LEF1: variants seen among roughly 807,000 people sequenced by gnomAD.
The protein encoded by LEF1 is lymphoid enhancer binding factor 1, also known as lymphoid enhancer-binding factor 1.
In LEF1, 14 loss-of-function variants were observed where a neutral mutation model predicts 51.2. That is an observed-to-expected ratio of 0.27 (90% CI 0.18 to 0.43). The LOEUF (loss-of-function observed/expected upper bound fraction) is 0.43. Ranked by LOEUF, LEF1 falls within the 20% of genes least tolerant of loss-of-function variation. LEF1 has a pLI of 1.00. For synonymous variants in LEF1, 185 were observed against 183.2 expected (o/e 1.01, Z -0.08); for missense variants, 386 against 512.0 (o/e 0.75, Z 2.37).
At chr4:108,072,549 G>A (rs1007248008) in intron 8 of LEF1, among the ~76,000 whole-genome samples, 2 of 152,192 alleles carry the variant, frequency 1.3e-5, no homozygotes, top group Admixed American at 1.3e-4. Context: ...AGTGCAGAGC[G>A]TGAGGTTAAA....
intron 11 of LEF1, among the ~76,000 whole-genome samples, chr4:108,057,009 C>T (rs1284057982): frequency 2.0e-5 from 3 of 152,050 alleles, no homozygotes; most frequent in Admixed American, 1.3e-4. Context: ...AGGGTAGCTG[C>T]GCAGCCACGT....
intron 3 of LEF1, among the ~76,000 whole-genome samples, chr4:108,127,533 A>G (rs1578375081): frequency 6.6e-6 from 1 of 152,304 alleles, no homozygotes; most frequent in African/African-American, 2.4e-5. Flanking sequence ...TCGTGTTGAC[A>G]TAAATGTTAT....
intron 3 of LEF1, among the ~76,000 whole-genome samples, chr4:108,146,751 G>A (rs996970398): frequency 6.6e-6 from 1 of 152,122 alleles, no homozygotes; most frequent in Non-Finnish European, 1.5e-5. Context: ...TGATCTTCAT[G>A]TTAGTGTTCA....
intron 8 of LEF1, among the ~76,000 whole-genome samples, chr4:108,071,405 TG>T (rs1249384532): frequency 2.0e-5 from 3 of 152,218 alleles, no homozygotes; most frequent in African/African-American, 7.2e-5. Flanking sequence ...CAAGCATTTA[TG>T]GCTATGGCTT....
At chr4:108,126,446 T>G (rs1464318826) in intron 3 of LEF1, among the ~76,000 whole-genome samples, 2 of 152,198 alleles carry the variant, frequency 1.3e-5, no homozygotes, top group African/African-American at 4.8e-5. Flanking sequence ...GGATAAATTA[T>G]AACTTAATAG....
chr4:108,062,626 G>A lies in LEF1; in HGVS notation c.*6+997C>T, dbSNP rs140099524. ...GGTCGGGAAGTGATGCACAATCTGA[G>A]TTGTAGGAAATCCCTCCAGGAGCAA... On this transcript the variant is annotated intron_variant, in intron 11 of 11. Coordinates refer to ENST00000265165, the MANE Select transcript of LEF1 (RefSeq NM_016269.5). Among the ~76,000 whole-genome samples the A allele has an allele frequency of 5.2e-3, 791 of 152,318 alleles. 6 individuals carry two copies. The highest frequency in any genetic ancestry group is 7.3e-3 in the Non-Finnish European group (497 of 68,024).
intron 3 of LEF1, among the ~76,000 whole-genome samples, chr4:108,101,180 G>T (rs542220756): frequency 2.4e-4 from 36 of 152,138 alleles, no homozygotes; most frequent in Non-Finnish European, 4.7e-4. Context: ...TTAATGTAAG[G>T]CATAATGTAA....
At chr4:108,065,409 C>T (rs528529655) in intron 9 of LEF1, among the ~76,000 whole-genome samples, 59 of 152,286 alleles carry the variant, frequency 3.9e-4, no homozygotes, top group African/African-American at 1.3e-3. Context: ...CACTTGAACC[C>T]GGAGGCAGAG....
chr4:108,148,288 A>AAC (rs1553959316), intron 3 of LEF1, among the ~76,000 whole-genome samples: 5,194 of 151,038 alleles, frequency 0.034, 259 homozygotes, highest in African/African-American at 0.11. Flanking sequence ...AAAAAAAAAA[A>AAC]ATTTATCAAG....
rs1198485268 is a variant in LEF1 at position 108,167,403 on chromosome 4, C to A, written c.213+152G>T. On this transcript the variant is annotated intron_variant, in intron 1 of 11. Transcript: ENST00000265165. The surrounding 1 kb of genome is among the most constrained non-coding windows in gnomAD (Gnocchi z 5.7). ...ACACACACACACACACACTGCGGAC[C>A]GGGGGCCCAGCTACGCACACACCCC... 6.1e-6 allele frequency: 4 copies of A among 654,074 alleles called. No homozygotes were observed. The highest frequency in any genetic ancestry group is 5.5e-5 in the African/African-American group (3 of 54,738). The allele number at this position is 654,074 out of a possible 1,614,324, so 40.5% of individuals were successfully genotyped here.
At chr4:108,079,722 C>T (rs1202574275) in intron 6 of LEF1, 108 bp from the exon 7 acceptor site, 2 of 1,041,566 alleles carry the variant, frequency 1.9e-6, no homozygotes, top group East Asian at 2.6e-5. Flanking sequence ...AGTAAAAACA[C>T]ATCTTTACGC....
At chr4:108,110,065 GAACTGTTCT>G (rs1741424577) in intron 3 of LEF1, among the ~76,000 whole-genome samples, 1 of 152,198 alleles carries the variant, frequency 6.6e-6, no homozygotes, top group South Asian at 2.1e-4. Flanking sequence ...ATTTGTATTA[GAACTGTTCT>G]CTTCAGCAAG....
chr4:108,070,420 A>G lies in LEF1; in HGVS notation c.1116+243T>C, dbSNP rs550664684. 25 of 313,596 alleles carry G rather than the reference A, an allele frequency of 8.0e-5. 2 individuals carry two copies. The South Asian group carries it at 3.3e-3, about 42-fold the overall frequency. 19.4% of individuals were successfully genotyped at this position (313,596 alleles called of 1,614,324 possible). A position where few individuals can be genotyped will look rare whatever the true frequency, so the allele number is the denominator to read the frequency against. Reference sequence around the variant, plus strand: ...GTTTCTTTTATCAAATTTTAATAATAAGGTATTAGTTTATTTCAAAAATTT... The same window carrying G: ...GTTTCTTTTATCAAATTTTAATAATGAGGTATTAGTTTATTTCAAAAATTT... On this transcript the variant is annotated intron_variant, in intron 9 of 11. Coordinates refer to ENST00000265165, the MANE Select transcript of LEF1 (RefSeq NM_016269.5).
intron 4 of LEF1, 132 bp downstream of exon 4, chr4:108,088,993 C>G (rs1739829581): frequency 2.1e-6 from 2 of 974,122 alleles, no homozygotes; most frequent in Non-Finnish European, 3.2e-6. Context: ...ATGAATTACT[C>G]TTGTCTTGTA....
At chr4:108,065,702 A>G (rs1350534384) in intron 9 of LEF1, among the ~76,000 whole-genome samples, 2 of 152,168 alleles carry the variant, frequency 1.3e-5, no homozygotes, top group Non-Finnish European at 2.9e-5. Flanking sequence ...ATATGGTACA[A>G]TCTTATAGCC....
intron 11 of LEF1, among the ~76,000 whole-genome samples, chr4:108,052,508 T>C (rs1279378314): frequency 1.3e-5 from 2 of 152,176 alleles, no homozygotes; most frequent in Non-Finnish European, 2.9e-5. Flanking sequence ...ATGCCAATTG[T>C]CTCCATTTTT....
intron 4 of LEF1, among the ~76,000 whole-genome samples, chr4:108,087,429 T>A (rs569221668): frequency 1.9e-3 from 294 of 151,826 alleles, no homozygotes; most frequent in South Asian, 3.6e-3. Context: ...GAGTTTTTTT[T>A]TAAAAAAAGT....
chr4:108,135,238 C>T (rs1036441759), intron 3 of LEF1, among the ~76,000 whole-genome samples: 2 of 152,170 alleles, frequency 1.3e-5, no homozygotes, highest in Non-Finnish European at 2.9e-5. Flanking sequence ...AAGCTACAGA[C>T]CACTCCTATC....
intron 3 of LEF1, among the ~76,000 whole-genome samples, chr4:108,090,359 CA>C (rs1255139053): frequency 4.6e-5 from 7 of 152,108 alleles, no homozygotes; most frequent in Non-Finnish European, 1.0e-4. Context: ...TGTTTACAGA[CA>C]TTTTATTATT....
Sources: gnomAD v4.1 joint callset for allele counts (sites outside exome capture counted in the v4.1 genomes callset) on GRCh38, gnomAD v4.1.1 for gene constraint, Gnocchi (gnomAD v3.1) non-coding constraint, MANE v1.5 for transcripts, NCBI Gene and HGNC (gene_info 2026-07-23, HGNC 2026-07-21) for gene names.